The following SMCHD1 variants were observed in gnomAD, a reference collection of about 807,000 sequenced individuals.
SMCHD1 encodes the protein structural maintenance of chromosomes flexible hinge domain containing 1, also known as structural maintenance of chromosomes flexible hinge domain-containing protein 1.
Under a neutral mutation model 254.7 loss-of-function variants are expected in SMCHD1, and 78 were observed. That is an observed-to-expected ratio of 0.31 (90% confidence interval 0.26 to 0.37). The LOEUF (loss-of-function observed/expected upper bound fraction) is 0.37, where lower values mean the gene tolerates loss of function less well. Among genes scored for constraint, SMCHD1 ranks in the 10% least tolerant of loss-of-function variants. SMCHD1 has a pLI of 1.00. For missense variants in SMCHD1, 1,840 were observed against 2,408.1 expected (o/e 0.76, Z 4.94); for synonymous variants, 766 against 794.9 (o/e 0.96, Z 0.61).
At chr18:2,719,299 T>G (rs1459927648) in intron 19 of SMCHD1, among the ~76,000 whole-genome samples, 1 of 150,992 alleles carries the variant, frequency 6.6e-6, no homozygotes, top group Non-Finnish European at 1.5e-5. Context: ...TCCCCTCTTT[T>G]CTTTTCTTTT....
rs1225947997 is a variant in SMCHD1 at position 2,702,607 on chromosome 18, T to C, written c.1648-1085T>C. Among the ~76,000 whole-genome samples the C allele has an allele frequency of 4.6e-5, 7 of 152,098 alleles. No homozygotes were observed. In the South Asian group the frequency reaches 8.3e-4, roughly 18 times the overall value. ...AATGATTTGCTGATTTGGGAAAGAGTTGGTACCTAGTTATAGGAGTAAGTG... is the reference window on the plus strand; with the variant it reads ...AATGATTTGCTGATTTGGGAAAGAGCTGGTACCTAGTTATAGGAGTAAGTG... On this transcript the variant is annotated intron_variant, in intron 12 of 47. Coordinates refer to ENST00000320876, the MANE Select transcript of SMCHD1 (RefSeq NM_015295.3).
intron 38 of SMCHD1, 75 bp from the exon 39 acceptor site, chr18:2,769,914 A>G (rs1407931651): frequency 2.0e-5 from 31 of 1,533,234 alleles, no homozygotes; most frequent in Non-Finnish European, 2.5e-5. Context: ...TTTATTAGCT[A>G]TCTAACCACT....
In SMCHD1 at chr18:2,656,251, G is replaced by T. The variant is rs1469724104; in HGVS notation, c.176G>T (p.Cys59Phe). 16 of 1,496,060 alleles carry T rather than the reference G, an allele frequency of 1.1e-5. No homozygotes were observed. Among genetic ancestry groups the T allele is most frequent in the Admixed American group, 5.5e-5 (2 of 36,188 alleles). The allele number at this position is 1,496,060 out of a possible 1,614,324, so 92.7% of individuals were successfully genotyped here. A position where few individuals can be genotyped will look rare whatever the true frequency, so the allele number is the denominator to read the frequency against. The change falls in exon 1 of 48, where the codon TGT becomes TTT. Residue 59 changes from cysteine to phenylalanine, a missense_variant. Coordinates refer to ENST00000320876, the MANE Select transcript of SMCHD1 (RefSeq NM_015295.3). ...TCGGACTACGCGGGATTTCGCGCGT[G>T]TGTGTGTCAGGTACGCGAAGGGGCG... The part of the protein sequence containing the change: ...ERSDYAGFRA[C>F]VCQTLGISPE...
intron 33 of SMCHD1, among the ~76,000 whole-genome samples, chr18:2,752,167 A>G (rs544064716): frequency 1.6e-3 from 243 of 152,312 alleles, no homozygotes; most frequent in African/African-American, 5.7e-3. Context: ...TTTGGAAACT[A>G]TCTTGCTTAA....
In SMCHD1 at chr18:2,777,868, C is replaced by A; in HGVS notation, c.5429C>A (p.Ala1810Asp). Residue 1810 changes from alanine (A) to aspartate (D), a missense_variant, in exon 43 of 48, where the codon GCT becomes GAT. By Grantham distance (126) the Ala-to-Asp change is moderately radical (BLOSUM62 -2). Coordinates refer to ENST00000320876, the MANE Select transcript of SMCHD1 (RefSeq NM_015295.3). Reference protein sequence around the residue: ...YFKPIGDPVFARDLLTFPDNV... With the variant: ...YFKPIGDPVFDRDLLTFPDNV... ...AAACCCATTGGAGATCCAGTCTTTGCTCGAGACTTGTTAACATTTCCAGAT... is the reference window on the plus strand; with the variant it reads ...AAACCCATTGGAGATCCAGTCTTTGATCGAGACTTGTTAACATTTCCAGAT... 6.4e-7 allele frequency: 1 copy of A among 1,551,472 alleles called. No individual in the cohort carries two copies. Among genetic ancestry groups the A allele is most frequent in the Non-Finnish European group, 8.7e-7 (1 of 1,146,080 alleles).
Position 2,697,858 on chromosome 18 carries a change from C to T in SMCHD1, c.1159C>T (p.Pro387Ser). The T allele has an allele frequency of 1.9e-6, 3 of 1,612,252 alleles. No individual in the cohort carries two copies. The highest frequency in any genetic ancestry group is 2.5e-6 in the Non-Finnish European group (3 of 1,178,672). ...EISMFEKGKVPKIVNLREIQD... is the reference protein window; with the variant it reads ...EISMFEKGKVSKIVNLREIQD... ...TTCTATGTTTGAAAAAGGGAAGGTA[C>T]CTAAGATTGTCAACCTAAGGGAAAT... The change falls in exon 10 of 48, where the codon CCT becomes TCT. Residue 387 changes from proline to serine, a missense_variant. Pro to Ser is a moderately conservative substitution (Grantham distance 74). Coordinates refer to ENST00000320876, the MANE Select transcript of SMCHD1 (RefSeq NM_015295.3).
intron 35 of SMCHD1, 120 bp from the exon 36 acceptor site, chr18:2,761,985 T>C: frequency 1.2e-6 from 1 of 802,850 alleles, no homozygotes; most frequent in Non-Finnish European, 1.9e-6. Flanking sequence ...TTAATGGAAA[T>C]AAATTTTAGA....
intron 5 of SMCHD1, among the ~76,000 whole-genome samples, chr18:2,685,147 C>T (rs539025568): frequency 7.0e-5 from 9 of 128,430 alleles, no homozygotes; most frequent in Admixed American, 2.0e-4. Flanking sequence ...TTGCCCAGGC[C>T]GGACTGCAGT....
intron 34 of SMCHD1, among the ~76,000 whole-genome samples, chr18:2,757,948 C>T (rs577463141): frequency 1.3e-5 from 2 of 151,872 alleles, no homozygotes; most frequent in South Asian, 2.1e-4. Context: ...TCTCTAGTAA[C>T]GTTTTTGCCT....
At chr18:2,759,798 G>A (rs1050084169) in intron 34 of SMCHD1, among the ~76,000 whole-genome samples, 3 of 152,002 alleles carry the variant, frequency 2.0e-5, no homozygotes, top group African/African-American at 7.2e-5. Flanking sequence ...TTGAACTCCT[G>A]ACCTCAAGTG....
chr18:2,767,535 A>G (rs762935774), intron 37 of SMCHD1, among the ~76,000 whole-genome samples: 2 of 149,788 alleles, frequency 1.3e-5, no homozygotes, highest in East Asian at 2.0e-4. Flanking sequence ...ACTTAAACCT[A>G]GGTGATATAG....
intron 36 of SMCHD1, among the ~76,000 whole-genome samples, chr18:2,762,477 T>G (rs544246574): frequency 1.3e-5 from 2 of 149,402 alleles, no homozygotes; most frequent in Non-Finnish European, 3.0e-5. Flanking sequence ...AATGCAGAAA[T>G]CTCAATCTGC....
Position 2,697,946 on chromosome 18 carries a change from A to G in SMCHD1, c.1247A>G (p.His416Arg), listed in dbSNP as rs2074319161. 4 of 1,613,458 alleles carry G rather than the reference A, an allele frequency of 2.5e-6. No individual in the cohort carries two copies. The highest frequency in any genetic ancestry group is 3.4e-6 in the Non-Finnish European group (4 of 1,179,604). The change falls in exon 10 of 48, where the codon CAT becomes CGT. Residue 416 changes from histidine (H) to arginine (R), a missense_variant. This residue lies in a region of SMCHD1 where 498 missense variants were observed against 743.5 expected (regional missense o/e 0.67). Coordinates refer to ENST00000320876, the MANE Select transcript of SMCHD1 (RefSeq NM_015295.3). ...GCTGATAGTTTTGAATTCAAAGCTCATGTTGAAGGAGATGGTGTAGTGGAA... is the reference window on the plus strand; with the variant it reads ...GCTGATAGTTTTGAATTCAAAGCTCGTGTTGAAGGAGATGGTGTAGTGGAA... ...TAADSFEFKA[H>R]VEGDGVVEGI... is the part of the protein sequence containing the mutation.
intron 41 of SMCHD1, among the ~76,000 whole-genome samples, chr18:2,772,965 C>T (rs555233161): frequency 3.6e-4 from 55 of 152,308 alleles, no homozygotes; most frequent in Admixed American, 1.6e-3. Context: ...CTCATTTATA[C>T]ATAAAGAAAT....
Position 2,763,621 on chromosome 18 carries a change from C to T in SMCHD1, c.4567-16C>T. On this transcript the variant is annotated splice_polypyrimidine_tract_variant and intron_variant, in intron 36 of 47. Coordinates refer to ENST00000320876, the MANE Select transcript of SMCHD1 (RefSeq NM_015295.3). ...CTCATCAGTTTCTCTAATTGTTTTC[C>T]ATTTTTTGTTTTAAGGATGACTACG... 2 of 1,538,410 alleles carry T rather than the reference C, an allele frequency of 1.3e-6. No individual in the cohort carries two copies. The highest frequency in any genetic ancestry group is 1.7e-6 in the Non-Finnish European group (2 of 1,149,170).
intron 47 of SMCHD1, among the ~76,000 whole-genome samples, chr18:2,797,849 G>A (rs1348814555): frequency 1.3e-5 from 2 of 152,190 alleles, no homozygotes; most frequent in East Asian, 1.9e-4. Flanking sequence ...CCCAAGAAGC[G>A]GAGGTTGCAG....
At chr18:2,660,003 C>T (rs777796067) in intron 1 of SMCHD1, among the ~76,000 whole-genome samples, 24 of 152,242 alleles carry the variant, frequency 1.6e-4, no homozygotes, top group Non-Finnish European at 3.2e-4. Context: ...ATTTTATGCA[C>T]TGCAAGTCAG....
At position 2,660,869 on chromosome 18, in the gene SMCHD1, G is replaced by T. The variant is rs2073230437; in HGVS notation, c.186+4608G>T. Among the ~76,000 whole-genome samples, 3 of 151,924 alleles carry T rather than the reference G, an allele frequency of 2.0e-5. No homozygotes were observed. The South Asian group carries it at 6.2e-4, about 31-fold the overall frequency. On this transcript the variant is annotated intron_variant, in intron 1 of 47. Coordinates refer to ENST00000320876, the MANE Select transcript of SMCHD1 (RefSeq NM_015295.3). ...ATTAAAAACCATGGATTTTTAATAT[G>T]GATTAATTTTAAAGTTTATTGCAGC...
At position 2,770,098 on chromosome 18, in the gene SMCHD1, T is replaced by G. The variant is rs202031400; in HGVS notation, c.4956T>G (p.Asn1652Lys). 7 of 1,598,938 alleles carry G rather than the reference T, an allele frequency of 4.4e-6. No individual in the cohort carries two copies. The African/African-American group carries it at 5.4e-5, about 12-fold the overall frequency. The change falls in exon 39 of 48, where the codon AAT (asparagine) becomes AAG (lysine). Residue 1652 changes from asparagine (N) to lysine (K), a missense_variant. Asn to Lys is a moderately conservative substitution (Grantham distance 94, BLOSUM62 0). Around this residue, in one of 9 missense-constraint regions of SMCHD1, gnomAD observed 881 missense variants for 1,009.5 expected, o/e 0.87. Coordinates refer to ENST00000320876, the MANE Select transcript of SMCHD1 (RefSeq NM_015295.3). ...SLFEASQQLLNEMKCQVEEAR... is the reference protein window; with the variant it reads ...SLFEASQQLLKEMKCQVEEAR... Reference sequence around the variant, plus strand: ...TTGAAGCCAGCCAACAGCTTCTTAATGAAATGAAATGTAAGTCATTTTGTA... The same window carrying G: ...TTGAAGCCAGCCAACAGCTTCTTAAGGAAATGAAATGTAAGTCATTTTGTA...
Sources: gnomAD v4.1 joint callset for allele counts (sites outside exome capture counted in the v4.1 genomes callset) on GRCh38, gnomAD v4.1.1 for gene constraint, gnomAD v4.1.1 regional missense constraint, MANE v1.5 for transcripts, NCBI Gene and HGNC (gene_info 2026-07-23, HGNC 2026-07-21) for gene names.